SUMO2: variants seen among roughly 807,000 people sequenced by gnomAD.
The protein encoded by SUMO2 is small ubiquitin like modifier 2.
A neutral mutation model predicts 16.0 loss-of-function variants in SUMO2; 1 was observed. The observed-to-expected ratio is 0.06, with a 90% confidence interval of 0.02 to 0.30. The LOEUF is 0.30. Ranked by LOEUF, SUMO2 falls within the 10% of genes least tolerant of loss-of-function variation. SUMO2 has a pLI of 1.00. For synonymous variants in SUMO2, 36 were observed against 40.6 expected (o/e 0.89, Z 0.43); for missense variants, 16 against 117.5 (o/e 0.14, Z 3.99).
intron 3 of SUMO2, among the ~76,000 whole-genome samples, chr17:75,170,439 G>C (rs933487452): frequency 6.6e-6 from 1 of 151,404 alleles, no homozygotes; most frequent in Non-Finnish European, 1.5e-5. Context: ...GTGTGGTTGC[G>C]CACGCCTGTA....
In SUMO2 at chr17:75,168,152, A is replaced by C. The variant is rs1289010377; in HGVS notation, c.*187T>G. ...TAGTTAAAAAAAAAAAAAATGCAAT[A>C]TGCTTGTGCACATATACCAGTTACT... On this transcript the variant is annotated 3_prime_UTR_variant, in exon 4 of 4. Coordinates refer to ENST00000420826, the MANE Select transcript of SUMO2 (RefSeq NM_006937.4). The C allele has an allele frequency of 2.2e-6, 1 of 445,370 alleles. No homozygotes were observed. Among genetic ancestry groups the C allele is most frequent in the African/African-American group, 2.0e-5 (1 of 48,964 alleles). The allele number at this position is 445,370 out of a possible 1,614,324, so 27.6% of individuals were successfully genotyped here.
At chr17:75,169,339 G>A (rs974015863) in intron 3 of SUMO2, among the ~76,000 whole-genome samples, 2 of 151,820 alleles carry the variant, frequency 1.3e-5, no homozygotes, top group Admixed American at 1.3e-4. Context: ...AGGAGTTCAA[G>A]ACCAGCCTGG....
intron 2 of SUMO2, among the ~76,000 whole-genome samples, chr17:75,175,353 C>T (rs934783715): frequency 9.9e-5 from 15 of 151,206 alleles, no homozygotes; most frequent in East Asian, 3.9e-4. Context: ...CAGAGTCTTG[C>T]TCTGTCACTC....
intron 3 of SUMO2, among the ~76,000 whole-genome samples, chr17:75,173,595 C>T (rs1414230513): frequency 1.3e-5 from 2 of 152,028 alleles, no homozygotes; most frequent in African/African-American, 4.8e-5. Context: ...CCACCTCACC[C>T]TAAGAAGTAG....
At chr17:75,177,037 G>T (rs2074787970) in intron 2 of SUMO2, among the ~76,000 whole-genome samples, 1 of 151,600 alleles carries the variant, frequency 6.6e-6, no homozygotes, top group Non-Finnish European at 1.5e-5. Flanking sequence ...ACAAAAATTG[G>T]CTGAGCACAA....
At chr17:75,176,047 ATTT>A (rs909867572) in intron 2 of SUMO2, among the ~76,000 whole-genome samples, 2 of 143,696 alleles carry the variant, frequency 1.4e-5, no homozygotes, top group African/African-American at 5.1e-5. Context: ...AGGAAATGAA[ATTT>A]TTTTTTTTTA....
intron 3 of SUMO2, among the ~76,000 whole-genome samples, chr17:75,173,917 T>G (rs1025752217): frequency 6.6e-6 from 1 of 152,136 alleles, no homozygotes; most frequent in African/African-American, 2.4e-5. Flanking sequence ...AAGTGGTACA[T>G]AAAGAGTTAA....
At chr17:75,178,291 G>A (rs1001433842) in intron 2 of SUMO2, among the ~76,000 whole-genome samples, 13 of 152,104 alleles carry the variant, frequency 8.5e-5, no homozygotes, top group Admixed American at 5.3e-4. Flanking sequence ...CGAAGCAGGC[G>A]GATCACGAGG....
intron 2 of SUMO2, among the ~76,000 whole-genome samples, chr17:75,180,390 C>CT (rs1228203251): frequency 5.2e-5 from 2 of 38,522 alleles, no homozygotes; most frequent in Admixed American, 4.8e-4. Context: ...AGACTCCCAG[C>CT]TTAAAAAAAA....
chr17:75,175,069 C>A (rs1008661454), intron 2 of SUMO2, among the ~76,000 whole-genome samples: 3 of 152,128 alleles, frequency 2.0e-5, no homozygotes, highest in African/African-American at 7.2e-5. Context: ...GCAACCTACA[C>A]CTCCTGGTTC....
At chr17:75,175,756 C>T (rs1281324186) in intron 2 of SUMO2, among the ~76,000 whole-genome samples, 6 of 151,640 alleles carry the variant, frequency 4.0e-5, no homozygotes, top group African/African-American at 1.5e-4. Context: ...CCTCAGCCTC[C>T]CGAGTAGCTG....
intron 1 of SUMO2, chr17:75,182,433 A>T: frequency 6.1e-6 from 1 of 163,824 alleles, no homozygotes. Context: ...CGGAGACTGC[A>T]ACACCCGACG....
chr17:75,181,567 TTAAG>T (rs2074829177), intron 1 of SUMO2, among the ~76,000 whole-genome samples: 1 of 152,142 alleles, frequency 6.6e-6, no homozygotes, highest in Admixed American at 6.6e-5. Flanking sequence ...TCTAAGCACT[TTAAG>T]TACAACTGCA....
intron 1 of SUMO2, 50 bp downstream of exon 1, chr17:75,182,764 G>T: frequency 2.3e-6 from 3 of 1,289,964 alleles, no homozygotes; most frequent in Non-Finnish European, 2.0e-6. Flanking sequence ...CCCGGCCCGC[G>T]CCATGACCCC....
intron 1 of SUMO2, 22 bp downstream of exon 1, chr17:75,182,792 A>G (rs2074840157): frequency 7.4e-7 from 1 of 1,356,850 alleles, no homozygotes; most frequent in Non-Finnish European, 9.5e-7. Context: ...CGGCGAGGCG[A>G]AGGGGCCGGC....
intron 2 of SUMO2, among the ~76,000 whole-genome samples, chr17:75,180,525 C>T (rs2074821279): frequency 6.7e-6 from 1 of 150,170 alleles, no homozygotes; most frequent in Non-Finnish European, 1.5e-5. Flanking sequence ...CCAGCCTAGC[C>T]AATACGGTGA....
At chr17:75,180,392 T>TAAAAAAAAAAAAA (rs58684188) in intron 2 of SUMO2, among the ~76,000 whole-genome samples, 2 of 44,862 alleles carry the variant, frequency 4.5e-5, no homozygotes, top group African/African-American at 1.6e-4. Context: ...ACTCCCAGCT[T>TAAAAAAAAAAAAA]AAAAAAAAAA....
chr17:75,172,773 C>A (rs1373227686), intron 3 of SUMO2, among the ~76,000 whole-genome samples: 2 of 151,948 alleles, frequency 1.3e-5, no homozygotes, highest in Non-Finnish European at 2.9e-5. Flanking sequence ...CTGCGCCCGG[C>A]GATGCCTGGC....
Position 75,178,376 on chromosome 17 carries a change from C to T in SUMO2, c.153+2681G>A, listed in dbSNP as rs536601043. 4.0e-5 allele frequency among the ~76,000 whole-genome samples: 6 copies of T among 151,478 alleles called. No individual in the cohort carries two copies. The South Asian group carries it at 6.3e-4, about 16-fold the overall frequency. On this transcript the variant is annotated intron_variant, in intron 2 of 3. Transcript: ENST00000420826. Reference sequence around the variant, plus strand: ...AAAAAATACAAAAATTGGCTGGGCACGGTGGCACGCACCTGTAGTCCCAGC... The same window carrying T: ...AAAAAATACAAAAATTGGCTGGGCATGGTGGCACGCACCTGTAGTCCCAGC...
Sources: allele counts gnomAD v4.1 joint callset (sites outside exome capture counted in the v4.1 genomes callset), GRCh38; gene constraint gnomAD v4.1.1; transcripts MANE v1.5; gene names NCBI Gene and HGNC (gene_info 2026-07-23, HGNC 2026-07-21).